TSPAN2: variants seen among roughly 807,000 people sequenced by gnomAD.
TSPAN2 encodes the protein tetraspanin 2.
In TSPAN2, 24 loss-of-function variants were observed where a neutral mutation model predicts 33.3. The ratio of observed to expected loss-of-function variants is 0.72; its 90% CI spans 0.52 to 1.01. The LOEUF (loss-of-function observed/expected upper bound fraction) is 1.01. Ranked by LOEUF, TSPAN2 falls within the 50% of genes least tolerant of loss-of-function variation. The pLI, the probability that TSPAN2 is intolerant of heterozygous loss-of-function variation, is 0.00. For synonymous variants in TSPAN2, 114 were observed against 104.5 expected (o/e 1.09, Z -0.56); for missense variants, 278 against 281.3 (o/e 0.99, Z 0.08).
intron 1 of TSPAN2, among the ~76,000 whole-genome samples, chr1:115,076,368 A>G (rs1648413528): frequency 6.6e-6 from 1 of 152,128 alleles, no homozygotes; most frequent in Non-Finnish European, 1.5e-5. Context: ...TGGAAAGCCC[A>G]TAGCAAGGTC....
At chr1:115,071,098 C>G (rs879709972) in intron 2 of TSPAN2, among the ~76,000 whole-genome samples, 5 of 152,096 alleles carry the variant, frequency 3.3e-5, no homozygotes, top group African/African-American at 1.2e-4. Flanking sequence ...CACAAAATCC[C>G]AATCTTGTCC....
At chr1:115,057,794 A>G (rs1182640956) in intron 5 of TSPAN2, among the ~76,000 whole-genome samples, 186 bp from the exon 6 acceptor site, 1 of 152,252 alleles carries the variant, frequency 6.6e-6, no homozygotes. Context: ...AAACAAGAAA[A>G]TGACTTCGCT....
At chr1:115,084,687 T>C (rs1170652147) in intron 1 of TSPAN2, among the ~76,000 whole-genome samples, 1 of 152,234 alleles carries the variant, frequency 6.6e-6, no homozygotes, top group Admixed American at 6.5e-5. Flanking sequence ...TTAGGTATTT[T>C]TTCCTAAACC....
intron 7 of TSPAN2, among the ~76,000 whole-genome samples, chr1:115,051,659 T>A (rs1266653830): frequency 1.3e-5 from 2 of 152,160 alleles, no homozygotes; most frequent in African/African-American, 2.4e-5. Flanking sequence ...TCTCCTCAAT[T>A]CCATCCTAAG....
At chr1:115,076,542 C>A (rs886963103) in intron 1 of TSPAN2, among the ~76,000 whole-genome samples, 5 of 152,182 alleles carry the variant, frequency 3.3e-5, no homozygotes, top group Non-Finnish European at 7.4e-5. Context: ...GCTGTGAGAA[C>A]TACGAACTCA....
At chr1:115,071,739 G>C (rs938124609) in intron 2 of TSPAN2, among the ~76,000 whole-genome samples, 6 of 152,138 alleles carry the variant, frequency 3.9e-5, no homozygotes, top group African/African-American at 1.4e-4. Flanking sequence ...TCCATCTTTA[G>C]TAGGTTTTCT....
chr1:115,086,870 C>T (rs1648855631), intron 1 of TSPAN2, among the ~76,000 whole-genome samples: 1 of 152,164 alleles, frequency 6.6e-6, no homozygotes. Flanking sequence ...ATCCTACCCC[C>T]AGAGTTTCTG....
intron 1 of TSPAN2, among the ~76,000 whole-genome samples, chr1:115,080,324 C>T (rs561831221): frequency 5.3e-4 from 80 of 152,244 alleles, no homozygotes; most frequent in Non-Finnish European, 9.4e-4. Flanking sequence ...TACTCTGTTG[C>T]CCAGGCTGGA....
intron 1 of TSPAN2, among the ~76,000 whole-genome samples, chr1:115,080,200 C>T (rs1489941595): frequency 6.6e-6 from 1 of 152,112 alleles, no homozygotes; most frequent in Non-Finnish European, 1.5e-5. Flanking sequence ...TACATAATGT[C>T]TTTTCTCTTA....
At chr1:115,077,176 C>T (rs1335769031) in intron 1 of TSPAN2, among the ~76,000 whole-genome samples, 4 of 152,072 alleles carry the variant, frequency 2.6e-5, no homozygotes, top group African/African-American at 4.8e-5. Context: ...ACCTCAGCCT[C>T]TCAAAGTACT....
At chr1:115,065,822 G>GT (rs1462831892) in intron 2 of TSPAN2, among the ~76,000 whole-genome samples, 2 of 152,020 alleles carry the variant, frequency 1.3e-5, no homozygotes, top group African/African-American at 4.8e-5. Context: ...TTTTCCTACT[G>GT]TTCTATAGAA....
intron 3 of TSPAN2, among the ~76,000 whole-genome samples, chr1:115,061,547 T>A (rs1449091380): frequency 6.6e-6 from 1 of 152,236 alleles, no homozygotes; most frequent in African/African-American, 2.4e-5. Flanking sequence ...ATATTTTTTT[T>A]TAAAGAACAA....
rs1002836559 is a variant in TSPAN2 at position 115,049,553 on chromosome 1, C to A, written c.*937G>T. 6.6e-6 allele frequency: 1 copy of A among 152,544 alleles called. No homozygotes were observed. Among genetic ancestry groups the A allele is most frequent in the Non-Finnish European group, 1.5e-5 (1 of 67,992 alleles). 9.4% of individuals were successfully genotyped at this position (152,544 alleles called of 1,614,324 possible). A position where few individuals can be genotyped will look rare whatever the true frequency, so the allele number is the denominator to read the frequency against. On this transcript the variant is annotated 3_prime_UTR_variant, in exon 8 of 8. Coordinates refer to ENST00000369516, the MANE Select transcript of TSPAN2 (RefSeq NM_005725.6). Reference sequence around the variant, plus strand: ...TACAGTGCCCATACAAATTCTCTTTCCCACAATTTTCAACTGCCAGATCTC... The same window carrying A: ...TACAGTGCCCATACAAATTCTCTTTACCACAATTTTCAACTGCCAGATCTC...
At chr1:115,078,952 C>T (rs1291865874) in intron 1 of TSPAN2, among the ~76,000 whole-genome samples, 1 of 152,198 alleles carries the variant, frequency 6.6e-6, no homozygotes, top group Non-Finnish European at 1.5e-5. Flanking sequence ...CAGCAAAACA[C>T]ATGCCTCAGA....
chr1:115,053,483 C>G (rs1488719499), intron 6 of TSPAN2, 21 bp from the exon 7 acceptor site: 5 of 1,609,084 alleles, frequency 3.1e-6, no homozygotes, highest in African/African-American at 1.3e-5. Flanking sequence ...GAAAAAAAGT[C>G]GGGAATAAAA....
rs1316311244 is a variant in TSPAN2, at chr1:115,073,150, A to G, written c.70-143T>C. 4.3e-6 allele frequency: 3 copies of G among 698,930 alleles called. No individual in the cohort carries two copies. The Admixed American group carries it at 6.4e-5, about 15-fold the overall frequency. 43.3% of individuals were successfully genotyped at this position (698,930 alleles called of 1,614,324 possible). A position where few individuals can be genotyped will look rare whatever the true frequency, so the allele number is the denominator to read the frequency against. ...ACCTTCCCATTTTATAGGGGAGAAA[A>G]TGAAGGCTCAGAGAGGTGAAGTGAT... On this transcript the variant is annotated intron_variant, in intron 1 of 7. Coordinates refer to ENST00000369516, the MANE Select transcript of TSPAN2 (RefSeq NM_005725.6).
chr1:115,051,575 C>T (rs1242059931), intron 7 of TSPAN2, among the ~76,000 whole-genome samples: 1 of 152,132 alleles, frequency 6.6e-6, no homozygotes, highest in African/African-American at 2.4e-5. Context: ...CCATGGAACC[C>T]TATCTGTGGG....
chr1:115,057,788 A>T (rs1647494946), intron 5 of TSPAN2, among the ~76,000 whole-genome samples, 180 bp from the exon 6 acceptor site: 1 of 152,258 alleles, frequency 6.6e-6, no homozygotes, highest in Non-Finnish European at 1.5e-5. Context: ...CTGGCAAAAC[A>T]AGAAAATGAC....
At chr1:115,063,526 G>C (rs962672130) in intron 2 of TSPAN2, among the ~76,000 whole-genome samples, 1 of 152,216 alleles carries the variant, frequency 6.6e-6, no homozygotes, top group South Asian at 2.1e-4. Context: ...TCAAACAACT[G>C]AGTTGAACTA....
Sources: allele counts gnomAD v4.1 joint callset (sites outside exome capture counted in the v4.1 genomes callset), GRCh38; gene constraint gnomAD v4.1.1; transcripts MANE v1.5; gene names NCBI Gene and HGNC (gene_info 2026-07-23, HGNC 2026-07-21).